NRXN1: variants seen among roughly 807,000 people sequenced by gnomAD.
NRXN1 encodes the protein neurexin-1.
In NRXN1, 39 loss-of-function variants were observed where a neutral mutation model predicts 150.9. That is an observed-to-expected ratio of 0.26 (90% CI 0.20 to 0.34). NRXN1 has a LOEUF of 0.34. Among genes scored for constraint, NRXN1 ranks in the 10% least tolerant of loss-of-function variants. NRXN1 has a pLI of 1.00. For missense variants in NRXN1, 1,815 were observed against 1,949.9 expected (o/e 0.93, Z 1.30); for synonymous variants, 924 against 757.0 (o/e 1.22, Z -3.62).
chr2:50,137,809 A>G (rs1706648491), intron 18 of NRXN1, among the ~76,000 whole-genome samples: 1 of 152,202 alleles, frequency 6.6e-6, no homozygotes, highest in Non-Finnish European at 1.5e-5. Context: ...TTAAAAAGAA[A>G]AAAATAAAAA....
chr2:50,147,615 G>A (rs764115713), intron 18 of NRXN1, among the ~76,000 whole-genome samples: 2 of 151,546 alleles, frequency 1.3e-5, no homozygotes, highest in South Asian at 2.1e-4. Context: ...ATGAAGTCAC[G>A]TGTGGAAAAA....
rs151222199 is a variant in NRXN1, at chr2:50,319,845, C to T, written c.3365-82875G>A. ...CTAACCTCCTCTCATATTCCTTTGTCCCTTAAGCTCCAACTTCACTATGCA... is the reference window on the plus strand; with the variant it reads ...CTAACCTCCTCTCATATTCCTTTGTTCCTTAAGCTCCAACTTCACTATGCA... On this transcript the variant is annotated intron_variant, in intron 17 of 22. Coordinates refer to ENST00000401669, the MANE Select transcript of NRXN1 (RefSeq NM_001330078.2). Among the ~76,000 whole-genome samples the T allele has an allele frequency of 4.2e-3, 641 of 152,180 alleles. 2 individuals are homozygous for T. Among genetic ancestry groups the T allele is most frequent in the African/African-American group, 0.015 (622 of 41,526 alleles).
At chr2:50,684,844 T>A (rs1417915840) in intron 5 of NRXN1, among the ~76,000 whole-genome samples, 1 of 152,196 alleles carries the variant, frequency 6.6e-6, no homozygotes, top group Middle Eastern at 3.2e-3. Flanking sequence ...ATGTTTAGTT[T>A]TCATAAAATT....
At chr2:50,621,026 A>G (rs1679917531) in intron 7 of NRXN1, 200 bp downstream of exon 7, 2 of 527,132 alleles carry the variant, frequency 3.8e-6, no homozygotes, top group Admixed American at 3.6e-5. Context: ...GTTGGAAAAC[A>G]GAAGTTGACA....
intron 18 of NRXN1, among the ~76,000 whole-genome samples, chr2:50,143,468 G>T (rs960199948): frequency 6.6e-6 from 1 of 151,886 alleles, no homozygotes; most frequent in Non-Finnish European, 1.5e-5. Context: ...ATTATGCGCT[G>T]ATTTAAGTAT....
intron 17 of NRXN1, among the ~76,000 whole-genome samples, chr2:50,259,630 T>A (rs2068050974): frequency 6.6e-6 from 1 of 151,840 alleles, no homozygotes; most frequent in Non-Finnish European, 1.5e-5. Context: ...TAACTCCTCA[T>A]CTCTTTTAAA....
chr2:49,958,116 G>C (rs910420574), intron 21 of NRXN1, among the ~76,000 whole-genome samples: 6 of 152,116 alleles, frequency 3.9e-5, no homozygotes, highest in Non-Finnish European at 8.8e-5. Context: ...AAGAACACAA[G>C]TGCAGAAACA....
At chr2:50,694,920 G>A (rs1692597351) in intron 5 of NRXN1, among the ~76,000 whole-genome samples, 1 of 152,142 alleles carries the variant, frequency 6.6e-6, no homozygotes, top group Non-Finnish European at 1.5e-5. Flanking sequence ...CCTGGTGACT[G>A]TTCTAACTGA....
chr2:50,966,535 T>G (rs1178978531), intron 2 of NRXN1, among the ~76,000 whole-genome samples: 1 of 151,716 alleles, frequency 6.6e-6, no homozygotes, highest in Non-Finnish European at 1.5e-5. Flanking sequence ...CTCTTCAGGT[T>G]AGATGCTTTA....
At chr2:50,502,271 C>A (rs1232825426) in intron 13 of NRXN1, among the ~76,000 whole-genome samples, 6 of 151,968 alleles carry the variant, frequency 3.9e-5, no homozygotes. Context: ...ACAATTTACC[C>A]AAGGTATTTA....
intron 5 of NRXN1, chr2:50,739,155 GA>G (rs1699126151): frequency 3.0e-6 from 1 of 328,140 alleles, no homozygotes; most frequent in Admixed American, 3.3e-5. Context: ...CAAATCTGTA[GA>G]TGTCAAAAAT....
intron 12 of NRXN1, among the ~76,000 whole-genome samples, chr2:50,522,304 C>CT (rs2092810162): frequency 2.0e-5 from 3 of 152,224 alleles, no homozygotes; most frequent in African/African-American, 7.2e-5. Context: ...TTTTATAATA[C>CT]TTTTTACCTA....
chr2:49,933,160 C>T (rs947777230), intron 22 of NRXN1, among the ~76,000 whole-genome samples: 9 of 152,118 alleles, frequency 5.9e-5, no homozygotes, highest in African/African-American at 9.7e-5. Flanking sequence ...GGTCTCAGCT[C>T]ACTGCAAGCT....
chr2:50,721,189 T>C (rs890311919), intron 5 of NRXN1, among the ~76,000 whole-genome samples: 4 of 152,130 alleles, frequency 2.6e-5, no homozygotes, highest in African/African-American at 9.7e-5. Context: ...TCTCTCAGAA[T>C]ATACCTTAAA....
At chr2:50,556,592 G>A (rs920403470) in intron 8 of NRXN1, among the ~76,000 whole-genome samples, 1 of 147,932 alleles carries the variant, frequency 6.8e-6, no homozygotes, top group East Asian at 2.0e-4. Flanking sequence ...TCAAATATTT[G>A]TTAGAATTTT....
intron 8 of NRXN1, among the ~76,000 whole-genome samples, chr2:50,580,002 C>T (rs1672013617): frequency 6.6e-6 from 1 of 152,130 alleles, no homozygotes; most frequent in Non-Finnish European, 1.5e-5. Flanking sequence ...TGCTTTATTT[C>T]CCTTCTTGCA....
chr2:50,370,553 G>C (rs1289507270), intron 17 of NRXN1, among the ~76,000 whole-genome samples: 1 of 151,976 alleles, frequency 6.6e-6, no homozygotes, highest in African/African-American at 2.4e-5. Context: ...TCTGCCACTA[G>C]CTAGTAAATA....
chr2:50,567,754 A>G (rs549010925), intron 8 of NRXN1, among the ~76,000 whole-genome samples: 7 of 152,312 alleles, frequency 4.6e-5, no homozygotes, highest in Admixed American at 2.6e-4. Flanking sequence ...CATTAAAATT[A>G]GAACTAGAAT....
chr2:50,258,760 G>A (rs189491254), intron 17 of NRXN1, among the ~76,000 whole-genome samples: 2 of 151,926 alleles, frequency 1.3e-5, no homozygotes, highest in African/African-American at 2.4e-5. Flanking sequence ...CTTAAATAAG[G>A]CTTGAAAGTT....
Sources: gnomAD v4.1 joint callset for allele counts (sites outside exome capture counted in the v4.1 genomes callset) on GRCh38, gnomAD v4.1.1 for gene constraint, MANE v1.5 for transcripts, NCBI Gene and HGNC (gene_info 2026-07-23, HGNC 2026-07-21) for gene names.